Variants in PRRC2B observed in about 807,000 individuals in gnomAD.
PRRC2B encodes the protein protein PRRC2B.
PRRC2B carries 68 observed loss-of-function variants against 242.3 expected under a neutral mutation model. That is an observed-to-expected ratio of 0.28 (90% CI 0.23 to 0.34). The LOEUF (loss-of-function observed/expected upper bound fraction) is 0.34. Ranked by LOEUF, PRRC2B falls within the 10% of genes least tolerant of loss-of-function variation. The pLI is 1.00. For synonymous variants in PRRC2B, 1,228 were observed against 1,173.6 expected, an observed-to-expected ratio of 1.05 and a Z score of -0.95; for missense variants, 2,835 against 2,954.8, an observed-to-expected ratio of 0.96 and a Z score of 0.94.
chr9:131,402,960 G>A (rs1411122168), intron 1 of PRRC2B, among the ~76,000 whole-genome samples: 5 of 152,228 alleles, frequency 3.3e-5, no homozygotes, highest in Admixed American at 6.5e-5. Context: ...TCAACTTCCC[G>A]ACACGCTTCA....
chr9:131,464,736 CT>C, intron 11 of PRRC2B, 26 bp from the exon 12 acceptor site: 1 of 1,548,422 alleles, frequency 6.5e-7, no homozygotes, highest in South Asian at 1.2e-5. Flanking sequence ...GACCCACCGC[CT>C]TATCTCAGAG....
chr9:131,438,265 G>T (rs1352612291), intron 4 of PRRC2B, among the ~76,000 whole-genome samples: 1 of 152,154 alleles, frequency 6.6e-6, no homozygotes, highest in Admixed American at 6.5e-5. Flanking sequence ...ACTCGAAAGG[G>T]CACTGGACAT....
At chr9:131,462,271 G>A (rs1451672194) in intron 11 of PRRC2B, among the ~76,000 whole-genome samples, 1 of 152,038 alleles carries the variant, frequency 6.6e-6, no homozygotes, top group Non-Finnish European at 1.5e-5. Flanking sequence ...GGAGTGCAGT[G>A]GTGTGCTCTC....
Position 131,446,789 on chromosome 9 carries a change from C to T in PRRC2B, c.855+147C>T. ...CTTCCACTCGTTTTGCATTTTCTCT[C>T]CCTGCTTTTTAAATCTTCAGGGCCT... is the stretch of plus-strand genomic sequence containing the variant. On this transcript the variant is annotated intron_variant, in intron 7 of 31. Transcript: ENST00000683519. This position sits in a 1 kb window ranked among gnomAD's most constrained non-coding sequence, Gnocchi z 4.1. The T allele has an allele frequency of 2.0e-6, 2 of 985,986 alleles. No individual in the cohort carries two copies. The highest frequency in any genetic ancestry group is 1.6e-5 in the African/African-American group (1 of 61,146). The allele number at this position is 985,986 out of a possible 1,614,324, so 61.1% of individuals were successfully genotyped here. A position where few individuals can be genotyped will look rare whatever the true frequency, so the allele number is the denominator to read the frequency against.
chr9:131,445,891 A>G (rs1173177685), intron 6 of PRRC2B, among the ~76,000 whole-genome samples: 1 of 152,222 alleles, frequency 6.6e-6, no homozygotes, highest in Admixed American at 6.5e-5. Context: ...AGTGCCCCAC[A>G]CCTCCACTGG....
At chr9:131,479,683 A>G (rs923211522) in intron 19 of PRRC2B, among the ~76,000 whole-genome samples, 1 of 152,250 alleles carries the variant, frequency 6.6e-6, no homozygotes, top group African/African-American at 2.4e-5. Flanking sequence ...TAGATCACAC[A>G]GTAGTGGGAA....
intron 28 of PRRC2B, among the ~76,000 whole-genome samples, chr9:131,488,849 T>C (rs1944101958): frequency 6.6e-6 from 1 of 152,208 alleles, no homozygotes. Flanking sequence ...TTCCTCTCCG[T>C]CAACCTGTGG....
At position 131,481,424 on chromosome 9, in the gene PRRC2B, G is replaced by A. The variant is rs553093330; in HGVS notation, c.4901-302G>A. Among the ~76,000 whole-genome samples the A allele has an allele frequency of 2.0e-5, 3 of 151,644 alleles. No individual in the cohort carries two copies. The East Asian group carries it at 5.8e-4, about 29-fold the overall frequency. On this transcript the variant is annotated intron_variant, in intron 19 of 31. Coordinates refer to ENST00000683519, the MANE Select transcript of PRRC2B (RefSeq NM_013318.4). Reference sequence around the variant, plus strand: ...GAAGCATGAGCATAGCGGAAATAACGACAGAGAATCCAGATTGGCAGGAGT... The same window carrying A: ...GAAGCATGAGCATAGCGGAAATAACAACAGAGAATCCAGATTGGCAGGAGT...
In PRRC2B at chr9:131,482,982, A is replaced by G; in HGVS notation, c.5373+75A>G. On this transcript the variant is annotated intron_variant, in intron 22 of 31. Coordinates refer to ENST00000683519, the MANE Select transcript of PRRC2B (RefSeq NM_013318.4). The surrounding 1 kb of genome is among the most constrained non-coding windows in gnomAD (Gnocchi z 5.2). ...GTACTTGGAGAGGCTGGGGGCTCAG[A>G]TGGGATTGTCTCCTAGAAGGAATAG... 6.7e-7 allele frequency: 1 copy of G among 1,502,828 alleles called. No homozygotes were observed. Among genetic ancestry groups the G allele is most frequent in the Non-Finnish European group, 9.0e-7 (1 of 1,105,890 alleles). The allele number at this position is 1,502,828 out of a possible 1,614,324, so 93.1% of individuals were successfully genotyped here.
intron 1 of PRRC2B, among the ~76,000 whole-genome samples, chr9:131,407,761 C>T (rs1837404444): frequency 6.6e-6 from 1 of 152,174 alleles, no homozygotes; most frequent in African/African-American, 2.4e-5. Context: ...AGCAAACACC[C>T]GAGGGCGTGT....
chr9:131,390,434 A>G (rs1226588711), upstream of PRRC2B, among the ~76,000 whole-genome samples: 1 of 122,286 alleles, frequency 8.2e-6, no homozygotes, highest in Non-Finnish European at 1.6e-5. Context: ...GCTGAGCTGG[A>G]TTTGAAGCCA....
chr9:131,496,021 A>G lies in PRRC2B; in HGVS notation c.*147A>G. On this transcript the variant is annotated 3_prime_UTR_variant, in exon 32 of 32. Coordinates refer to ENST00000683519, the MANE Select transcript of PRRC2B (RefSeq NM_013318.4). ...GACCTCCCTCCTCTCCACTCCCGAA[A>G]GCTCCGTTGTCAACCAGCTTGCACC... The G allele has an allele frequency of 8.9e-7, 1 of 1,127,808 alleles. No individual in the cohort carries two copies. The highest frequency in any genetic ancestry group is 1.6e-5 in the South Asian group (1 of 63,074). 69.9% of individuals were successfully genotyped at this position (1,127,808 alleles called of 1,614,324 possible).
At position 131,474,958 on chromosome 9, in the gene PRRC2B, G is replaced by A. The variant is rs1273717854; in HGVS notation, c.2829G>A (p.Lys943=). Residue 943 remains lysine (K), a synonymous_variant, in exon 16 of 32, where the codon AAG becomes AAA. Coordinates refer to ENST00000683519, the MANE Select transcript of PRRC2B (RefSeq NM_013318.4). ...GGACCCGGAGGTCGGGACCCATCAA[G>A]AAACCAGTCCTGAAAGCCCTCAAGG... ...TGRTRRSGPI[K]KPVLKALKVE... The A allele has an allele frequency of 2.5e-6, 4 of 1,597,442 alleles. No individual in the cohort carries two copies. The highest frequency in any genetic ancestry group is 3.4e-6 in the Non-Finnish European group (4 of 1,172,362).
chr9:131,395,401 G>A (rs541004576), intron 1 of PRRC2B, among the ~76,000 whole-genome samples: 2 of 152,224 alleles, frequency 1.3e-5, no homozygotes, highest in East Asian at 3.9e-4. Flanking sequence ...ATTTAGTCAT[G>A]TCTATGCACA....
intron 4 of PRRC2B, among the ~76,000 whole-genome samples, chr9:131,438,464 G>A (rs1838447561): frequency 6.6e-6 from 1 of 152,180 alleles, no homozygotes; most frequent in African/African-American, 2.4e-5. Context: ...GGGTTCTCAG[G>A]AGGGGAGCTG....
chr9:131,462,666 C>T (rs1253218520), intron 11 of PRRC2B, among the ~76,000 whole-genome samples: 1 of 151,240 alleles, frequency 6.6e-6, no homozygotes, highest in Non-Finnish European at 1.5e-5. Flanking sequence ...GGTGAAACCC[C>T]ATCTCTACTA....
At chr9:131,417,508 C>T (rs1230405960) in intron 1 of PRRC2B, among the ~76,000 whole-genome samples, 4 of 152,112 alleles carry the variant, frequency 2.6e-5, no homozygotes, top group Non-Finnish European at 4.4e-5. Flanking sequence ...CCACCTCCTA[C>T]GACCTCCTGA....
chr9:131,428,114 G>C (rs1018991742), intron 1 of PRRC2B, among the ~76,000 whole-genome samples: 5 of 151,582 alleles, frequency 3.3e-5, no homozygotes, highest in African/African-American at 1.2e-4. Flanking sequence ...TAGAAACGGG[G>C]TTTCACCATG....
rs539802249 is a variant in PRRC2B at position 131,479,123 on chromosome 9, C to T, written c.4759-129C>T. 2.0e-5 allele frequency: 18 copies of T among 915,386 alleles called. No homozygotes were observed. The African/African-American group carries it at 2.0e-4, about 10-fold the overall frequency. 56.7% of individuals were successfully genotyped at this position (915,386 alleles called of 1,614,324 possible). The stretch of plus-strand genomic sequence containing the variant: ...CAGTTCTGCTTGAGGTTTTGGGAGA[C>T]GAGCGTTCCACACATCTCTGGAGCA... On this transcript the variant is annotated intron_variant, in intron 18 of 31. Coordinates refer to ENST00000683519, the MANE Select transcript of PRRC2B (RefSeq NM_013318.4).
Sources: allele counts gnomAD v4.1 joint callset (sites outside exome capture counted in the v4.1 genomes callset), GRCh38; gene constraint gnomAD v4.1.1; non-coding constraint Gnocchi (gnomAD v3.1); transcripts MANE v1.5; gene names NCBI Gene and HGNC (gene_info 2026-07-23, HGNC 2026-07-21).